The following RBMS3 variants were observed in gnomAD, a reference collection of about 807,000 sequenced individuals.
The protein encoded by RBMS3 is RNA binding motif single stranded interacting protein 3.
A neutral mutation model predicts 66.8 loss-of-function variants in RBMS3; 27 were observed. That is an observed-to-expected ratio of 0.40 (90% confidence interval 0.30 to 0.56). The LOEUF is 0.56. Ranked by LOEUF, RBMS3 falls within the 20% of genes least tolerant of loss-of-function variation. RBMS3 has a pLI of 0.40. For missense variants in RBMS3, 513 were observed against 549.5 expected, an observed-to-expected ratio of 0.93 and a Z score of 0.66; for synonymous variants, 188 against 183.0, an observed-to-expected ratio of 1.03 and a Z score of -0.22.
At chr3:29,956,935 A>G (rs757156331) in intron 12 of RBMS3, among the ~76,000 whole-genome samples, 9 of 152,004 alleles carry the variant, frequency 5.9e-5, no homozygotes, top group Non-Finnish European at 1.0e-4. Context: ...CTCCCGCCAT[A>G]ATGAACTGCT....
intron 6 of RBMS3, among the ~76,000 whole-genome samples, chr3:29,773,606 G>A (rs994519024): frequency 2.0e-5 from 3 of 152,036 alleles, no homozygotes; most frequent in Non-Finnish European, 4.4e-5. Context: ...TTTGTTATTA[G>A]AGCAAATGTT....
rs761135163 is a variant in RBMS3, at chr3:29,897,436, C to G, written c.849C>G (p.Ile283Met). The G allele has an allele frequency of 1.2e-6, 2 of 1,611,170 alleles. No individual in the cohort carries two copies. Among genetic ancestry groups the G allele is most frequent in the South Asian group, 2.2e-5 (2 of 91,034 alleles). ...ACCGCATGATTCCACAGACATCTAT[C>G]ACGCCATTCATTGCTGCTTCCCCTG... ...ATNRMIPQTS[I>M]TPFIAASPVS... is the part of the protein sequence containing the mutation. The change falls in exon 9 of 15, where the codon ATC (isoleucine) becomes ATG (methionine). Residue 283 changes from isoleucine to methionine, a missense_variant. By Grantham distance (10) the Ile-to-Met change is conservative. Coordinates refer to ENST00000383767, the MANE Select transcript of RBMS3 (RefSeq NM_001003793.3).
chr3:29,417,155 A>AT (rs999760141), intron 1 of RBMS3, among the ~76,000 whole-genome samples: 127 of 152,178 alleles, frequency 8.3e-4, no homozygotes, highest in African/African-American at 2.7e-3. Context: ...TATTTTCTAC[A>AT]TTTTTTATTT....
chr3:29,695,009 T>C (rs1294501054), intron 4 of RBMS3, among the ~76,000 whole-genome samples: 1 of 152,060 alleles, frequency 6.6e-6, no homozygotes, highest in African/African-American at 2.4e-5. Flanking sequence ...CTGGTGAGAG[T>C]CTCTCATTGC....
intron 4 of RBMS3, chr3:29,616,686 G>C (rs539753461): frequency 2.0e-5 from 3 of 151,938 alleles, no homozygotes; most frequent in Non-Finnish European, 2.9e-5. Flanking sequence ...ACACCTCTTC[G>C]CATGTCCCTC....
chr3:29,471,718 GTTTT>G (rs397793236), intron 2 of RBMS3, among the ~76,000 whole-genome samples: 3 of 71,168 alleles, frequency 4.2e-5, no homozygotes, highest in Admixed American at 1.6e-4. Flanking sequence ...TGAGGACTTA[GTTTT>G]TTTTTTTTTT....
chr3:29,905,902 AT>A (rs953173675), intron 10 of RBMS3, among the ~76,000 whole-genome samples: 7 of 152,000 alleles, frequency 4.6e-5, no homozygotes, highest in East Asian at 3.9e-4. Flanking sequence ...TGTCCACAAT[AT>A]TTTTTTCATT....
At chr3:29,482,161 G>C (rs1426133809) in intron 2 of RBMS3, among the ~76,000 whole-genome samples, 1 of 152,126 alleles carries the variant, frequency 6.6e-6, no homozygotes, top group Non-Finnish European at 1.5e-5. Flanking sequence ...AAGGTACTCA[G>C]ATGCATGTGA....
At chr3:29,408,646 T>C (rs1251385548) in intron 1 of RBMS3, among the ~76,000 whole-genome samples, 1 of 152,190 alleles carries the variant, frequency 6.6e-6, no homozygotes, top group Non-Finnish European at 1.5e-5. Flanking sequence ...TTTTTATATA[T>C]ATATTTTCTT....
intron 4 of RBMS3, among the ~76,000 whole-genome samples, chr3:29,729,357 T>C (rs531859327): frequency 6.6e-6 from 1 of 152,316 alleles, no homozygotes; most frequent in East Asian, 1.9e-4. Context: ...ATGGTGTATA[T>C]GTGCCACATT....
At chr3:29,341,979 C>G (rs2036306644) in intron 1 of RBMS3, among the ~76,000 whole-genome samples, 1 of 152,058 alleles carries the variant, frequency 6.6e-6, no homozygotes, top group East Asian at 1.9e-4. Flanking sequence ...CAACCTCACC[C>G]CTCTTGCTTG....
intron 1 of RBMS3, among the ~76,000 whole-genome samples, chr3:29,329,963 T>C (rs562183927): frequency 3.3e-5 from 5 of 150,358 alleles, no homozygotes; most frequent in Admixed American, 2.7e-4. Context: ...ATTCACAAGA[T>C]ACTTTAAAAT....
chr3:29,906,063 A>T (rs1363177574), intron 10 of RBMS3, among the ~76,000 whole-genome samples: 1 of 152,140 alleles, frequency 6.6e-6, no homozygotes, highest in Non-Finnish European at 1.5e-5. Flanking sequence ...ATTTTTCTAT[A>T]CAAGAAAAAG....
chr3:29,903,621 G>A (rs2060306502), intron 10 of RBMS3, among the ~76,000 whole-genome samples: 2 of 151,956 alleles, frequency 1.3e-5, no homozygotes, highest in Non-Finnish European at 2.9e-5. Flanking sequence ...AAGGAGAAAA[G>A]ATGATAATTT....
intron 6 of RBMS3, among the ~76,000 whole-genome samples, chr3:29,767,873 T>G (rs1328775084): frequency 6.6e-6 from 1 of 151,986 alleles, no homozygotes; most frequent in Non-Finnish European, 1.5e-5. Flanking sequence ...AGCTTTGCGA[T>G]CTGTGTTTGC....
chr3:29,782,620 G>GCC (rs1188595590), intron 6 of RBMS3, among the ~76,000 whole-genome samples: 1 of 152,124 alleles, frequency 6.6e-6, no homozygotes, highest in African/African-American at 2.4e-5. Flanking sequence ...GACAAAACAA[G>GCC]CTTCTTTAAC....
chr3:29,439,593 T>TTTTATTTATTTATTTATTTA lies in RBMS3; in HGVS notation c.248+4697_248+4698insATTTATTTATTTATTTATTT, dbSNP rs3041548. On this transcript the variant is annotated intron_variant, in intron 2 of 14. Transcript: ENST00000383767. Reference sequence around the variant, plus strand: ...ATGAGTTGATTTTTAGTTAATCTCTTTTTATTTATTTATTTATTTTTATTA... The same window carrying TTTTATTTATTTATTTATTTA: ...ATGAGTTGATTTTTAGTTAATCTCTTTTTATTTATTTATTTATTTATTTATTTATTTATTTATTTTTATTA... Among the ~76,000 whole-genome samples the TTTTATTTATTTATTTATTTA allele has an allele frequency of 7.8e-3, 1,159 of 149,194 alleles. 17 individuals are homozygous for TTTTATTTATTTATTTATTTA. Among genetic ancestry groups the TTTTATTTATTTATTTATTTA allele is most frequent in the African/African-American group, 0.027 (1,080 of 40,714 alleles).
intron 8 of RBMS3, among the ~76,000 whole-genome samples, chr3:29,885,108 G>A (rs2059838228): frequency 6.6e-6 from 1 of 151,790 alleles, no homozygotes; most frequent in Non-Finnish European, 1.5e-5. Context: ...CAGTCATATA[G>A]TCAGTCATTC....
intron 6 of RBMS3, among the ~76,000 whole-genome samples, chr3:29,812,665 G>A (rs1326007761): frequency 2.0e-5 from 3 of 152,112 alleles, no homozygotes; most frequent in Non-Finnish European, 4.4e-5. Flanking sequence ...ACTATTACTT[G>A]GAATTTGCAT....
Sources: gnomAD v4.1 joint callset for allele counts (sites outside exome capture counted in the v4.1 genomes callset) on GRCh38, gnomAD v4.1.1 for gene constraint, MANE v1.5 for transcripts, NCBI Gene and HGNC (gene_info 2026-07-23, HGNC 2026-07-21) for gene names.